Variants in ZSCAN18 observed in about 807,000 individuals in gnomAD.
The protein encoded by ZSCAN18 is zinc finger and SCAN domain containing 18.
A neutral mutation model predicts 31.1 loss-of-function variants in ZSCAN18; 16 were observed. The observed-to-expected ratio is 0.51, with a 90% CI of 0.35 to 0.78. ZSCAN18 has a LOEUF of 0.78. Among genes scored for constraint, ZSCAN18 ranks in the 30% least tolerant of loss-of-function variants. ZSCAN18 has a pLI of 0.01. For synonymous variants in ZSCAN18, 375 were observed against 320.7 expected, an observed-to-expected ratio of 1.17 and a Z score of -1.81; for missense variants, 731 against 697.4, an observed-to-expected ratio of 1.05 and a Z score of -0.54.
At chr19:58,117,375 AAGGG>A (rs995533351) in intron 1 of ZSCAN18, among the ~76,000 whole-genome samples, 96 of 152,066 alleles carry the variant, frequency 6.3e-4, no homozygotes, top group African/African-American at 2.3e-3. Context: ...AACCGCAGGG[AAGGG>A]AGGAAGGGCA....
At chr19:58,095,568 C>G (rs1409194962) in intron 1 of ZSCAN18, among the ~76,000 whole-genome samples, 1 of 152,210 alleles carries the variant, frequency 6.6e-6, no homozygotes, top group African/African-American at 2.4e-5. Flanking sequence ...CCCCCAGCCC[C>G]TCTCCTCCTG....
chr19:58,089,685 C>T (rs2074370817), intron 2 of ZSCAN18, among the ~76,000 whole-genome samples, 180 bp downstream of exon 2: 2 of 152,248 alleles, frequency 1.3e-5, no homozygotes, highest in South Asian at 4.1e-4. Context: ...CCTCATTCCT[C>T]TGGCTTCCTT....
rs1193893769 is a variant in ZSCAN18 at position 58,116,668 on chromosome 19, A to G, written c.130+1599T>C. Among the ~76,000 whole-genome samples, 7 of 152,274 alleles carry G rather than the reference A, an allele frequency of 4.6e-5. No homozygotes were observed. In the East Asian group the frequency reaches 1.4e-3, roughly 29 times the overall value. ...AATTTCACCTGATGCAAGCTCCATCATCATCACCTGCAACCCAGCAGCAAA... is the reference window on the plus strand; with the variant it reads ...AATTTCACCTGATGCAAGCTCCATCGTCATCACCTGCAACCCAGCAGCAAA... On this transcript the variant is annotated intron_variant, in intron 1 of 1. Coordinates refer to the ZSCAN18 transcript ENST00000595721.
intron 1 of ZSCAN18, among the ~76,000 whole-genome samples, chr19:58,097,078 G>T (rs564278741): frequency 2.6e-5 from 4 of 152,316 alleles, no homozygotes; most frequent in African/African-American, 9.6e-5. Context: ...CCATCCGCAG[G>T]ACATGATGGG....
intron 2 of ZSCAN18, among the ~76,000 whole-genome samples, chr19:58,089,114 T>C (rs1160104049): frequency 2.9e-5 from 4 of 139,880 alleles, no homozygotes; most frequent in African/African-American, 8.0e-5. Flanking sequence ...CCATCCCGGC[T>C]AAAACGGTGA....
chr19:58,098,445 A>AAT (rs2074563853), upstream of ZSCAN18: 3 of 898,444 alleles, frequency 3.3e-6, no homozygotes, highest in Admixed American at 1.9e-4. Flanking sequence ...CAAGCGGGTA[A>AAT]ATAATAGACC....
intron 1 of ZSCAN18, among the ~76,000 whole-genome samples, chr19:58,115,875 A>G (rs1650056531): frequency 6.6e-6 from 1 of 152,146 alleles, no homozygotes; most frequent in Non-Finnish European, 1.5e-5. Flanking sequence ...TACAGGCTAG[A>G]AAAACCCTTA....
intron 6 of ZSCAN18, 190 bp downstream of exon 6, chr19:58,085,984 G>A: frequency 3.4e-6 from 2 of 594,892 alleles, no homozygotes; most frequent in Non-Finnish European, 6.1e-6. Flanking sequence ...TCTTGGGGTG[G>A]TCTGTCATGC....
At chr19:58,108,310 C>A in intron 1 of ZSCAN18, 1 of 985,436 alleles carries the variant, frequency 1.0e-6, no homozygotes, top group Admixed American at 6.1e-5. Flanking sequence ...TTGGAGACAT[C>A]AGAAAAGGAT....
chr19:58,096,107 C>G (rs1369053886), intron 1 of ZSCAN18, among the ~76,000 whole-genome samples: 1 of 152,158 alleles, frequency 6.6e-6, no homozygotes, highest in Non-Finnish European at 1.5e-5. Flanking sequence ...CAGCGTACAT[C>G]TATAATCTCA....
At chr19:58,111,655 A>G (rs1468092497) in intron 1 of ZSCAN18, among the ~76,000 whole-genome samples, 2 of 152,062 alleles carry the variant, frequency 1.3e-5, no homozygotes, top group African/African-American at 4.8e-5. Context: ...ATGAGCCACT[A>G]TGCCCAGCAT....
chr19:58,089,958 T>G lies in ZSCAN18; in HGVS notation c.310A>C (p.Lys104Gln). ...LEQFLGILPDKVRPWVVAQYP... is the reference protein window; with the variant it reads ...LEQFLGILPDQVRPWVVAQYP... ...TGTGCCACCACCCAGGGCCGGACCT[T>G]ATCAGGCAGGATGCCCAGGAACTGC... The change falls in exon 2 of 7, where the codon AAG becomes CAG. Residue 104 changes from lysine (K) to glutamine (Q), a missense_variant. Physicochemically the swap from Lys to Gln is moderately conservative, Grantham distance 53. Transcript: ENST00000601144. 3 of 1,614,108 alleles carry G rather than the reference T, an allele frequency of 1.9e-6. No individual in the cohort carries two copies. Among genetic ancestry groups the G allele is most frequent in the Non-Finnish European group, 2.5e-6 (3 of 1,180,026 alleles).
chr19:58,108,867 A>C, intron 1 of ZSCAN18: 1 of 1,001,408 alleles, frequency 1.0e-6, no homozygotes, highest in Non-Finnish European at 1.2e-6. Context: ...TTAGATCTTC[A>C]TCAAGGTGGC....
chr19:58,097,468 G>A (rs1483839868), intron 1 of ZSCAN18, among the ~76,000 whole-genome samples: 1 of 151,972 alleles, frequency 6.6e-6, no homozygotes, highest in South Asian at 2.1e-4. Context: ...TCCGGGGTGG[G>A]CGCAGACACC....
chr19:58,101,763 G>A (rs143891899), upstream of ZSCAN18, among the ~76,000 whole-genome samples: 2,909 of 150,340 alleles, frequency 0.019, 104 homozygotes, highest in African/African-American at 0.066. Flanking sequence ...CAGGTGATTC[G>A]CCCACCTTGG....
At chr19:58,098,435 C>T (rs117479200), upstream of ZSCAN18, 22 of 954,002 alleles carry the variant, frequency 2.3e-5, no homozygotes, top group East Asian at 2.2e-3. Context: ...ACGAAGTAAA[C>T]AAGCGGGTAA....
At chr19:58,115,116 A>T (rs1456582813) in intron 1 of ZSCAN18, among the ~76,000 whole-genome samples, 1 of 152,228 alleles carries the variant, frequency 6.6e-6, no homozygotes, top group Admixed American at 6.5e-5. Flanking sequence ...GAGTCAGGGC[A>T]AGGCAGAGCT....
At chr19:58,092,876 T>G (rs2074442600) in intron 1 of ZSCAN18, 1 of 206,396 alleles carries the variant, frequency 4.8e-6, no homozygotes, top group African/African-American at 2.4e-5. Context: ...TGAGCTCAAG[T>G]GATCCTCCCA....
Position 58,098,229 on chromosome 19 carries a change from G to T in ZSCAN18, c.-175C>A. ...GCCGCCCGGAGCCCCAGTGCGCGAT[G>T]GCGGCCGGCAAACTGCGCCTGCGCA... On this transcript the variant is annotated 5_prime_UTR_variant, in exon 1 of 7. Coordinates refer to ENST00000601144, the MANE Select transcript of ZSCAN18 (RefSeq NM_001145543.2). 1.0e-6 allele frequency: 1 copy of T among 985,510 alleles called. No individual in the cohort carries two copies. The highest frequency in any genetic ancestry group is 1.7e-5 in the African/African-American group (1 of 57,376). 61.0% of individuals were successfully genotyped at this position (985,510 alleles called of 1,614,324 possible). A position where few individuals can be genotyped will look rare whatever the true frequency, so the allele number is the denominator to read the frequency against.
Sources: allele counts gnomAD v4.1 joint callset (sites outside exome capture counted in the v4.1 genomes callset), GRCh38; gene constraint gnomAD v4.1.1; transcripts MANE v1.5; gene names NCBI Gene and HGNC (gene_info 2026-07-23, HGNC 2026-07-21).